The following PTPRD variants were observed in gnomAD, a reference collection of about 807,000 sequenced individuals.
The protein encoded by PTPRD is receptor-type tyrosine-protein phosphatase delta.
A neutral mutation model predicts 214.5 loss-of-function variants in PTPRD; 34 were observed. The observed-to-expected ratio is 0.16, with a 90% CI of 0.12 to 0.21. PTPRD has a LOEUF of 0.21. Among genes scored for constraint, PTPRD ranks in the 10% least tolerant of loss-of-function variants. The probability of loss-of-function intolerance (pLI) is 1.00; values close to 1 mark genes in which losing one functional copy is unlikely to be tolerated. For missense variants in PTPRD, 2,545 were observed against 2,398.7 expected (o/e 1.06, Z -1.27); for synonymous variants, 1,128 against 845.7 (o/e 1.33, Z -5.79).
At chr9:10,039,916 A>C (rs1467566653) in intron 3 of PTPRD, among the ~76,000 whole-genome samples, 1 of 152,078 alleles carries the variant, frequency 6.6e-6, no homozygotes, top group Non-Finnish European at 1.5e-5. Flanking sequence ...TGAGCTTCAC[A>C]ATTTTAATTA....
intron 2 of PTPRD, among the ~76,000 whole-genome samples, chr9:10,600,357 A>G (rs1201410939): frequency 2.0e-5 from 3 of 151,726 alleles, no homozygotes; most frequent in Non-Finnish European, 4.4e-5. Flanking sequence ...CTTCTTTTCA[A>G]TGTAGATTTT....
intron 9 of PTPRD, among the ~76,000 whole-genome samples, chr9:9,254,800 T>C (rs754407307): frequency 1.3e-5 from 2 of 152,088 alleles, no homozygotes; most frequent in South Asian, 2.1e-4. Flanking sequence ...TTACTTTTTG[T>C]TCCTGTATTC....
chr9:10,438,163 T>A (rs1325824050), intron 2 of PTPRD, among the ~76,000 whole-genome samples: 1 of 151,054 alleles, frequency 6.6e-6, no homozygotes, highest in Non-Finnish European at 1.5e-5. Context: ...AGTAAGTCAT[T>A]TTCATTTTCC....
At chr9:9,288,549 T>C (rs1018213225) in intron 9 of PTPRD, among the ~76,000 whole-genome samples, 1 of 151,912 alleles carries the variant, frequency 6.6e-6, no homozygotes, top group Non-Finnish European at 1.5e-5. Context: ...AAACAGAAAA[T>C]TATTAATCAA....
chr9:9,771,711 G>T (rs946428907), intron 5 of PTPRD, among the ~76,000 whole-genome samples: 2 of 152,068 alleles, frequency 1.3e-5, no homozygotes, highest in African/African-American at 4.8e-5. Context: ...GATGTGTGAC[G>T]TTTCAATGAC....
chr9:8,492,394 G>C (rs150004754), intron 27 of PTPRD, among the ~76,000 whole-genome samples: 2 of 152,034 alleles, frequency 1.3e-5, no homozygotes, highest in African/African-American at 4.8e-5. Context: ...TCCTCTACCA[G>C]AACTTCTCAG....
chr9:9,267,801 A>G (rs1330734028), intron 9 of PTPRD, among the ~76,000 whole-genome samples: 1 of 151,128 alleles, frequency 6.6e-6, no homozygotes, highest in Non-Finnish European at 1.5e-5. Context: ...TAGACAAAAA[A>G]AAAGCATTTG....
intron 8 of PTPRD, among the ~76,000 whole-genome samples, chr9:9,452,072 A>T (rs550116906): frequency 1.7e-3 from 252 of 151,676 alleles, no homozygotes; most frequent in Non-Finnish European, 3.0e-3. Context: ...AAATGTCTCT[A>T]GCAGGAGAAA....
chr9:9,555,249 T>G (rs980081283), intron 8 of PTPRD, among the ~76,000 whole-genome samples: 1 of 152,058 alleles, frequency 6.6e-6, no homozygotes. Flanking sequence ...TAATAAAATA[T>G]CTTATTAGGG....
At chr9:10,263,700 G>A (rs1449812912) in intron 3 of PTPRD, among the ~76,000 whole-genome samples, 2 of 152,142 alleles carry the variant, frequency 1.3e-5, no homozygotes, top group African/African-American at 4.8e-5. Context: ...TCCATTTTCT[G>A]GGGAGAAATT....
At chr9:9,152,953 C>T (rs889489294) in intron 10 of PTPRD, among the ~76,000 whole-genome samples, 5 of 152,186 alleles carry the variant, frequency 3.3e-5, no homozygotes, top group African/African-American at 1.2e-4. Flanking sequence ...ACATTTACAT[C>T]CTCCCCACTG....
At chr9:10,244,791 G>C (rs1167574496) in intron 3 of PTPRD, among the ~76,000 whole-genome samples, 1 of 152,098 alleles carries the variant, frequency 6.6e-6, no homozygotes, top group African/African-American at 2.4e-5. Context: ...AGTGATTTTA[G>C]AATGCATGCC....
At chr9:8,796,629 C>G (rs1289725697) in intron 11 of PTPRD, among the ~76,000 whole-genome samples, 1 of 152,064 alleles carries the variant, frequency 6.6e-6, no homozygotes, top group Non-Finnish European at 1.5e-5. Flanking sequence ...CATAACTTAT[C>G]ACATCAAATC....
intron 33 of PTPRD, among the ~76,000 whole-genome samples, chr9:8,454,160 T>C (rs1162404782): frequency 1.3e-5 from 2 of 152,162 alleles, no homozygotes; most frequent in Non-Finnish European, 1.5e-5. Context: ...ATTTGCAGGA[T>C]GTGAAAATGC....
At chr9:9,654,279 T>C (rs1469767495) in intron 7 of PTPRD, among the ~76,000 whole-genome samples, 1 of 152,190 alleles carries the variant, frequency 6.6e-6, no homozygotes, top group Non-Finnish European at 1.5e-5. Context: ...ATATGTGATG[T>C]ATAATTTTAA....
intron 11 of PTPRD, among the ~76,000 whole-genome samples, chr9:8,923,201 C>A (rs1300334351): frequency 6.6e-6 from 1 of 151,508 alleles, no homozygotes; most frequent in Non-Finnish European, 1.5e-5. Context: ...GCCACCACGC[C>A]CAGCTAATTT....
At chr9:10,589,341 G>C (rs986173693) in intron 2 of PTPRD, among the ~76,000 whole-genome samples, 3 of 152,022 alleles carry the variant, frequency 2.0e-5, no homozygotes, top group African/African-American at 7.2e-5. Flanking sequence ...CAAAGTTTTA[G>C]TCACAGGGAA....
intron 2 of PTPRD, among the ~76,000 whole-genome samples, chr9:10,588,326 G>T (rs909977430): frequency 6.6e-6 from 1 of 151,796 alleles, no homozygotes; most frequent in Admixed American, 6.6e-5. Flanking sequence ...CAAATATTCT[G>T]CAAGTACAAA....
rs529296899 is a variant in PTPRD, at chr9:9,695,925, G to A, written c.-287+38608C>T. ...ATGCAGTTCTTATAAAATAATTTTG[G>A]AAGTATTTCCTCCTTTTCAATTTTT... On this transcript the variant is annotated intron_variant, in intron 7 of 45. Transcript: ENST00000381196. 5.6e-3 allele frequency among the ~76,000 whole-genome samples: 849 copies of A among 152,156 alleles called. 2 individuals carry two copies. The highest frequency in any genetic ancestry group is 9.8e-3 in the Non-Finnish European group (663 of 67,996).
Sources: allele counts gnomAD v4.1 joint callset (sites outside exome capture counted in the v4.1 genomes callset), GRCh38; gene constraint gnomAD v4.1.1; transcripts MANE v1.5; gene names NCBI Gene and HGNC (gene_info 2026-07-23, HGNC 2026-07-21).